Variants in ACTR2 observed in about 807,000 individuals in gnomAD.
The protein encoded by ACTR2 is actin related protein 2, also known as actin-related protein 2.
A neutral mutation model predicts 50.2 loss-of-function variants in ACTR2; 5 were observed. The ratio of observed to expected loss-of-function variants is 0.10; its 90% confidence interval spans 0.05 to 0.21. ACTR2 has a LOEUF of 0.21. Among genes scored for constraint, ACTR2 ranks in the 10% least tolerant of loss-of-function variants. The probability of loss-of-function intolerance (pLI) is 1.00; values close to 1 mark genes in which losing one functional copy is unlikely to be tolerated. For missense variants in ACTR2, 180 were observed against 480.6 expected, an observed-to-expected ratio of 0.37 and a Z score of 5.85; for synonymous variants, 140 against 162.9, an observed-to-expected ratio of 0.86 and a Z score of 1.07.
intron 1 of ACTR2, among the ~76,000 whole-genome samples, chr2:65,237,771 T>G (rs1671768083): frequency 6.6e-6 from 1 of 151,916 alleles, no homozygotes; most frequent in Admixed American, 6.6e-5. Context: ...GTGGACCACT[T>G]GAGGTCAGGA....
At chr2:65,264,950 C>T in intron 7 of ACTR2, 93 bp from the exon 8 acceptor site, 2 of 1,436,896 alleles carry the variant, frequency 1.4e-6, no homozygotes, top group Non-Finnish European at 9.6e-7. Flanking sequence ...TTAATTCTCC[C>T]AGCAACCCCG....
At chr2:65,258,830 A>C (rs1672203922) in intron 6 of ACTR2, among the ~76,000 whole-genome samples, 1 of 152,184 alleles carries the variant, frequency 6.6e-6, no homozygotes, top group African/African-American at 2.4e-5. Context: ...CCACACTATC[A>C]GGCTTCAAGT....
At chr2:65,260,308 G>A (rs1175316112) in intron 6 of ACTR2, among the ~76,000 whole-genome samples, 1 of 152,220 alleles carries the variant, frequency 6.6e-6, no homozygotes, top group Non-Finnish European at 1.5e-5. Context: ...AGGAGTTCAA[G>A]ACCGCCTGGT....
chr2:65,259,080 C>T (rs893925458), intron 6 of ACTR2, among the ~76,000 whole-genome samples: 1 of 151,818 alleles, frequency 6.6e-6, no homozygotes, highest in Non-Finnish European at 1.5e-5. Flanking sequence ...TTAGGTGATC[C>T]TCCCACCTCA....
At chr2:65,232,249 T>C (rs1316336421) in intron 1 of ACTR2, among the ~76,000 whole-genome samples, 2 of 152,180 alleles carry the variant, frequency 1.3e-5, no homozygotes, top group African/African-American at 4.8e-5. Context: ...TTCATCAGCA[T>C]TGAGTTAGAT....
intron 1 of ACTR2, among the ~76,000 whole-genome samples, chr2:65,238,491 C>T (rs542587029): frequency 2.0e-3 from 304 of 151,044 alleles, no homozygotes; most frequent in African/African-American, 7.1e-3. Context: ...AACCCCGTCT[C>T]TACTAAAAAT....
Position 65,271,116 on chromosome 2 carries a change from G to T in ACTR2, c.*2382G>T, listed in dbSNP as rs557399421. 6.6e-6 allele frequency: 1 copy of T among 152,234 alleles called. No homozygotes were observed. The highest frequency in any genetic ancestry group is 1.9e-4 in the East Asian group (1 of 5,180). 9.4% of individuals were successfully genotyped at this position (152,234 alleles called of 1,614,324 possible). On this transcript the variant is annotated 3_prime_UTR_variant, in exon 9 of 9. Coordinates refer to ENST00000260641, the MANE Select transcript of ACTR2 (RefSeq NM_005722.4). ...TTTTCTTTAAAACATGGTTTTGGTGGTTAACTTTTACACAGTTCTGAGTAC... is the reference window on the plus strand; with the variant it reads ...TTTTCTTTAAAACATGGTTTTGGTGTTTAACTTTTACACAGTTCTGAGTAC...
intron 1 of ACTR2, among the ~76,000 whole-genome samples, chr2:65,231,461 C>G (rs1233113100): frequency 6.6e-6 from 1 of 152,094 alleles, no homozygotes; most frequent in Non-Finnish European, 1.5e-5. Flanking sequence ...AGAAGATATT[C>G]AGATGTAATT....
intron 1 of ACTR2, among the ~76,000 whole-genome samples, chr2:65,233,285 C>T (rs779409300): frequency 5.9e-5 from 9 of 151,790 alleles, no homozygotes; most frequent in African/African-American, 9.7e-5. Flanking sequence ...GTGAGCACTG[C>T]GCCCAGTCTA....
rs528203240 is a variant in ACTR2, at chr2:65,245,023, T to C, written c.160-1501T>C. Among the ~76,000 whole-genome samples, 354 of 152,198 alleles carry C rather than the reference T, an allele frequency of 2.3e-3. 2 individuals are homozygous for C. Among genetic ancestry groups the C allele is most frequent in the Non-Finnish European group, 4.6e-3 (311 of 68,002 alleles). Reference sequence around the variant, plus strand: ...AGTTAGTAAGTTATGGTAAATGAACTTCATAAGAAATTGCAACAAATTTTT... The same window carrying C: ...AGTTAGTAAGTTATGGTAAATGAACCTCATAAGAAATTGCAACAAATTTTT... On this transcript the variant is annotated intron_variant, in intron 2 of 8. Coordinates refer to ENST00000260641, the MANE Select transcript of ACTR2 (RefSeq NM_005722.4).
chr2:65,255,146 T>G (rs1390412521), intron 5 of ACTR2, among the ~76,000 whole-genome samples: 1 of 152,224 alleles, frequency 6.6e-6, no homozygotes. Context: ...ATAAAACTTT[T>G]AAAGACTTGG....
intron 2 of ACTR2, chr2:65,246,182 C>T (rs1257273879): frequency 1.1e-5 from 2 of 174,192 alleles, no homozygotes; most frequent in South Asian, 1.4e-4. Context: ...TCACATATCA[C>T]AGGCCTTATT....
chr2:65,248,184 G>A (rs530617429), intron 3 of ACTR2, among the ~76,000 whole-genome samples: 1 of 152,002 alleles, frequency 6.6e-6, no homozygotes, highest in Non-Finnish European at 1.5e-5. Flanking sequence ...GGCGGATCAC[G>A]AGGTCAAGAG....
intron 1 of ACTR2, among the ~76,000 whole-genome samples, chr2:65,229,615 G>T (rs891934882): frequency 6.6e-5 from 10 of 151,814 alleles, no homozygotes; most frequent in African/African-American, 2.2e-4. Context: ...AATTAGCCGG[G>T]CATGGTGGTG....
At chr2:65,256,811 G>A (rs1007734134) in intron 6 of ACTR2, among the ~76,000 whole-genome samples, 1 of 149,946 alleles carries the variant, frequency 6.7e-6, no homozygotes, top group Admixed American at 6.7e-5. Context: ...GGCAGAGGTT[G>A]CAGTGAGCTG....
At position 65,244,545 on chromosome 2, in the gene ACTR2, C is replaced by T. The variant is rs72892673; in HGVS notation, c.160-1979C>T. On this transcript the variant is annotated intron_variant, in intron 2 of 8. Transcript: ENST00000260641. ...GTGCATCTTGTTTTTTGATGGATTT[C>T]AAAGTAAGTTGCAGATACCAGTATA... Among the ~76,000 whole-genome samples, 1,423 of 152,230 alleles carry T rather than the reference C, an allele frequency of 9.3e-3. 34 individuals are homozygous for T. Among genetic ancestry groups the T allele is most frequent in the African/African-American group, 0.032 (1,319 of 41,530 alleles).
intron 5 of ACTR2, 31 bp from the exon 6 acceptor site, chr2:65,255,514 T>G (rs376085095): frequency 1.4e-4 from 225 of 1,599,846 alleles, no homozygotes; most frequent in Non-Finnish European, 1.9e-4. Flanking sequence ...TTCAGATGTA[T>G]TATGAACTTA....
intron 3 of ACTR2, among the ~76,000 whole-genome samples, chr2:65,249,790 C>A (rs1305330013): frequency 6.6e-6 from 1 of 152,126 alleles, no homozygotes; most frequent in Non-Finnish European, 1.5e-5. Context: ...GGAAAGAACT[C>A]CTCCTTCCAG....
chr2:65,255,595 G>A lies in ACTR2; in HGVS notation c.636G>A (p.Thr212=), dbSNP rs148755282. 2,176 of 1,613,918 alleles carry A rather than the reference G, an allele frequency of 1.3e-3. 11 individuals carry two copies. The highest frequency in any genetic ancestry group is 6.2e-3 in the African/African-American group (462 of 75,012). ...TCAACCACTCTGCTGATTTTGAAAC[G>A]GTTCGCATGATTAAAGAAAAACTGT... ...YAFNHSADFE[T]VRMIKEKLCY... The change falls in exon 6 of 9, where the codon ACG becomes ACA. Residue 212 remains threonine (T), a synonymous_variant. Transcript: ENST00000260641.
Sources: allele counts gnomAD v4.1 joint callset (sites outside exome capture counted in the v4.1 genomes callset), GRCh38; gene constraint gnomAD v4.1.1; transcripts MANE v1.5; gene names NCBI Gene and HGNC (gene_info 2026-07-23, HGNC 2026-07-21).